The following ERG variants were observed in gnomAD, a reference collection of about 807,000 sequenced individuals.
The protein encoded by ERG is transcriptional regulator ERG.
ERG carries 9 observed loss-of-function variants against 55.3 expected under a neutral mutation model. That is an observed-to-expected ratio of 0.16 (90% CI 0.10 to 0.28). The LOEUF is 0.28. Among genes scored for constraint, ERG ranks in the 10% least tolerant of loss-of-function variants. ERG has a pLI of 1.00. For missense variants in ERG, 434 were observed against 631.6 expected (o/e 0.69, Z 3.35); for synonymous variants, 223 against 237.3 (o/e 0.94, Z 0.55).
chr21:38,525,124 A>C (rs2059621102), intron 2 of ERG, among the ~76,000 whole-genome samples: 1 of 152,218 alleles, frequency 6.6e-6, no homozygotes, highest in African/African-American at 2.4e-5. Context: ...ATTAATTTTT[A>C]AAACTAAAAG....
chr21:38,488,301 T>C (rs771498773), intron 1 of ERG, among the ~76,000 whole-genome samples: 4 of 152,230 alleles, frequency 2.6e-5, no homozygotes, highest in Admixed American at 6.5e-5. Flanking sequence ...GCAGGAGATC[T>C]GGGTGGAGCT....
rs1262523594 is a variant in ERG, at chr21:38,569,571, T to C, written c.-41+6091A>G. Among the ~76,000 whole-genome samples the C allele has an allele frequency of 9.2e-5, 14 of 152,350 alleles. No homozygotes were observed. In the East Asian group the frequency reaches 2.7e-3, roughly 29 times the overall value. On this transcript the variant is annotated intron_variant, in intron 2 of 8. Transcript: ENST00000398897. ...CTTTTGGTATTTTTGTTGCAAATAG[T>C]ACACACAAAACAGGATATATAATCT...
intron 1 of ERG, 44 bp from the exon 2 acceptor site, chr21:38,445,665 C>G (rs373337512): frequency 6.5e-7 from 1 of 1,530,604 alleles, no homozygotes; most frequent in Non-Finnish European, 9.0e-7. Flanking sequence ...CTCCAACAGA[C>G]AGTCATGTTT....
chr21:38,642,911 GAA>G (rs200686135), intron 1 of ERG, among the ~76,000 whole-genome samples: 2,302 of 152,372 alleles, frequency 0.015, 32 homozygotes, highest in Non-Finnish European at 0.025. Flanking sequence ...GATGGAGTAT[GAA>G]ACACTGAGAG....
chr21:38,576,109 A>G (rs2059992993), intron 1 of ERG, among the ~76,000 whole-genome samples: 1 of 152,216 alleles, frequency 6.6e-6, no homozygotes, highest in African/African-American at 2.4e-5. Flanking sequence ...ATACTTCTCT[A>G]TCATACTGAG....
intron 2 of ERG, among the ~76,000 whole-genome samples, chr21:38,427,771 T>C (rs1989903696): frequency 6.6e-6 from 1 of 152,172 alleles, no homozygotes; most frequent in Middle Eastern, 3.2e-3. Flanking sequence ...TCTCCTACCC[T>C]GGGACTGTTC....
chr21:38,597,785 C>A (rs1278937072), intron 1 of ERG, among the ~76,000 whole-genome samples: 1 of 152,090 alleles, frequency 6.6e-6, no homozygotes, highest in Non-Finnish European at 1.5e-5. Context: ...ACCAACTGGG[C>A]AAATTGAATG....
At chr21:38,647,900 T>G (rs1178728664) in intron 1 of ERG, among the ~76,000 whole-genome samples, 1 of 152,124 alleles carries the variant, frequency 6.6e-6, no homozygotes, top group African/African-American at 2.4e-5. Context: ...AGGAAAGAAA[T>G]AAAGACTCGG....
intron 2 of ERG, among the ~76,000 whole-genome samples, chr21:38,554,770 T>C (rs1368413834): frequency 6.6e-6 from 1 of 151,452 alleles, no homozygotes; most frequent in African/African-American, 2.4e-5. Context: ...CAAACTCTCA[T>C]GGCATGCAAT....
downstream of ERG, among the ~76,000 whole-genome samples, chr21:38,376,882 G>A (rs1987258165): frequency 6.6e-6 from 1 of 152,200 alleles, no homozygotes; most frequent in South Asian, 2.1e-4. Flanking sequence ...CAGCACTCCC[G>A]CCCTAAAACC....
At chr21:38,430,577 AGGAGCTG>A (rs1232477617) in intron 2 of ERG, among the ~76,000 whole-genome samples, 3 of 152,250 alleles carry the variant, frequency 2.0e-5, no homozygotes, top group Admixed American at 6.5e-5. Flanking sequence ...AAGAGTAAAC[AGGAGCTG>A]GGAAGACAGA....
intron 2 of ERG, among the ~76,000 whole-genome samples, chr21:38,533,630 C>T (rs1417718862): frequency 6.6e-6 from 1 of 152,152 alleles, no homozygotes; most frequent in Non-Finnish European, 1.5e-5. Flanking sequence ...AAAATATGTA[C>T]AGTTATTGCT....
At chr21:38,654,666 T>C (rs1013195588) in intron 1 of ERG, among the ~76,000 whole-genome samples, 1 of 152,228 alleles carries the variant, frequency 6.6e-6, no homozygotes, top group African/African-American at 2.4e-5. Flanking sequence ...ATTATTTCTA[T>C]TTTAAAACTC....
At chr21:38,561,934 A>G (rs1236759472) in intron 2 of ERG, among the ~76,000 whole-genome samples, 4 of 152,322 alleles carry the variant, frequency 2.6e-5, no homozygotes, top group Non-Finnish European at 5.9e-5. Context: ...TGTACTCTCA[A>G]TTAAGTAAAA....
chr21:38,571,510 TA>T (rs568373878), intron 2 of ERG, among the ~76,000 whole-genome samples: 8 of 150,700 alleles, frequency 5.3e-5, no homozygotes, highest in African/African-American at 1.7e-4. Flanking sequence ...GACTATGTCT[TA>T]AAAAAAATAA....
intron 1 of ERG, among the ~76,000 whole-genome samples, chr21:38,470,238 A>G (rs1413778090): frequency 2.0e-5 from 3 of 147,158 alleles, no homozygotes; most frequent in African/African-American, 7.5e-5. Context: ...GCATATAATA[A>G]GCACTCTATG....
chr21:38,548,032 T>C (rs1299256627), intron 2 of ERG, among the ~76,000 whole-genome samples: 10 of 152,226 alleles, frequency 6.6e-5, no homozygotes, highest in Admixed American at 6.5e-4. Flanking sequence ...ATTGGTAATA[T>C]GTGTGATGAT....
chr21:38,629,903 C>T (rs1170466179), intron 1 of ERG, among the ~76,000 whole-genome samples: 2 of 152,136 alleles, frequency 1.3e-5, no homozygotes, highest in East Asian at 1.9e-4. Context: ...TATACATACA[C>T]GGGCATATTA....
chr21:38,424,326 C>T (rs902618417), intron 2 of ERG, among the ~76,000 whole-genome samples: 1 of 152,182 alleles, frequency 6.6e-6, no homozygotes, highest in South Asian at 2.1e-4. Flanking sequence ...TTTAGACTTC[C>T]AACCTCCAGA....
Sources: gnomAD v4.1 joint callset for allele counts (sites outside exome capture counted in the v4.1 genomes callset) on GRCh38, gnomAD v4.1.1 for gene constraint, MANE v1.5 for transcripts, NCBI Gene and HGNC (gene_info 2026-07-23, HGNC 2026-07-21) for gene names.